Variants in SHROOM4 observed in about 807,000 individuals in gnomAD.
The protein encoded by SHROOM4 is shroom family member 4.
Under a neutral mutation model 80.3 loss-of-function variants are expected in SHROOM4, and 17 were observed. The ratio of observed to expected loss-of-function variants is 0.21; its 90% confidence interval spans 0.14 to 0.32. The LOEUF is 0.32. SHROOM4 is among the 10% of genes least tolerant of loss of function. SHROOM4 has a pLI of 1.00. For missense variants in SHROOM4, 993 were observed against 1,140.3 expected (o/e 0.87, Z 1.86); for synonymous variants, 400 against 437.5 (o/e 0.91, Z 1.07).
chrX:50,672,204 CCAT>C (rs1373142991), intron 2 of SHROOM4, among the ~76,000 whole-genome samples: 2 of 111,881 alleles, frequency 1.8e-5, no homozygotes, highest in African/African-American at 6.5e-5. Flanking sequence ...TGATTACAGA[CCAT>C]CATAACAAAT....
At chrX:50,761,229 C>T (rs1251364568) in intron 1 of SHROOM4, among the ~76,000 whole-genome samples, 7 of 110,766 alleles carry the variant, frequency 6.3e-5, no homozygotes, top group Non-Finnish European at 7.5e-5. Context: ...TCTGTTGTTC[C>T]CTTGTGTTCA....
In SHROOM4 at chrX:50,760,557, T is replaced by C. The variant is rs781928050; in HGVS notation, c.117+53345A>G. The stretch of plus-strand genomic sequence containing the variant: ...CTTACTATATTGCTCAGACCGGTCT[T>C]GAACTCCTGGCCTCAAGCAATCCTC... On this transcript the variant is annotated intron_variant, in intron 1 of 8. Coordinates refer to ENST00000376020, the MANE Select transcript of SHROOM4 (RefSeq NM_020717.5). Among the ~76,000 whole-genome samples the C allele has an allele frequency of 8.2e-5, 9 of 110,424 alleles. No homozygotes were observed. The South Asian group carries it at 3.5e-3, about 43-fold the overall frequency.
chrX:50,743,789 A>C (rs1934718718), intron 1 of SHROOM4, among the ~76,000 whole-genome samples: 1 of 112,004 alleles, frequency 8.9e-6, no homozygotes, highest in African/African-American at 3.3e-5. Context: ...TTTTCTCATA[A>C]GGCAGGTGCT....
chrX:50,788,607 C>CA (rs782285203), intron 1 of SHROOM4, among the ~76,000 whole-genome samples: 4,923 of 46,454 alleles, frequency 0.11, 373 homozygotes, highest in African/African-American at 0.26. Flanking sequence ...GACTCCGTCT[C>CA]AAAAAAAAAA....
intron 1 of SHROOM4, among the ~76,000 whole-genome samples, chrX:50,735,338 A>G (rs1392266861): frequency 8.9e-6 from 1 of 112,288 alleles, no homozygotes; most frequent in African/African-American, 3.2e-5. Context: ...ACTCAAAATT[A>G]TCAAAGACTT....
intron 1 of SHROOM4, among the ~76,000 whole-genome samples, chrX:50,728,828 T>C (rs1299778756): frequency 4.5e-5 from 5 of 111,537 alleles, no homozygotes; most frequent in African/African-American, 1.6e-4. Flanking sequence ...AATCATAACC[T>C]TTGGTGATTA....
intron 1 of SHROOM4, among the ~76,000 whole-genome samples, chrX:50,736,588 T>C (rs1047085241): frequency 1.8e-5 from 2 of 112,344 alleles, no homozygotes; most frequent in Non-Finnish European, 3.8e-5. Flanking sequence ...GGACATGATA[T>C]CATTTCTTTT....
At chrX:50,777,766 T>C (rs1557270261) in intron 1 of SHROOM4, among the ~76,000 whole-genome samples, 2 of 112,224 alleles carry the variant, frequency 1.8e-5, no homozygotes, top group Non-Finnish European at 3.8e-5. Context: ...GCTCTTACAA[T>C]TAGGTTCGCT....
chrX:50,799,290 C>T (rs1031168020), intron 1 of SHROOM4, among the ~76,000 whole-genome samples: 1 of 112,659 alleles, frequency 8.9e-6, no homozygotes, highest in Non-Finnish European at 1.9e-5. Context: ...AAGGCCCTTT[C>T]GAGGCCTGTT....
chrX:50,634,793 T>A lies in SHROOM4; in HGVS notation c.1280A>T (p.Asp427Val). 1 of 1,211,756 alleles carries A rather than the reference T, an allele frequency of 8.3e-7. No individual in the cohort carries two copies. Among genetic ancestry groups the A allele is most frequent in the Non-Finnish European group, 1.1e-6 (1 of 895,494 alleles). Residue 427 changes from aspartate to valine, a missense_variant, in exon 4 of 9, where the codon GAT becomes GTT. Asp to Val is a radical substitution (Grantham distance 152). Coordinates refer to ENST00000376020, the MANE Select transcript of SHROOM4 (RefSeq NM_020717.5). Reference sequence around the variant, plus strand: ...CTCCATCCCTTTGCTGCCCCTGGTATCAAGGTGCACATGCTGCAGGTGGGA... The same window carrying A: ...CTCCATCCCTTTGCTGCCCCTGGTAACAAGGTGCACATGCTGCAGGTGGGA... The part of the protein sequence containing the change: ...LASHLQHVHL[D>V]TRGSKGMELP...
In SHROOM4 at chrX:50,607,976, G is replaced by T; in HGVS notation, c.3166C>A (p.Arg1056Ser). The change falls in exon 6 of 9, where the codon CGT becomes AGT. Residue 1056 changes from arginine to serine, a missense_variant. Arg to Ser is a moderately radical substitution (Grantham distance 110, BLOSUM62 -1). Transcript: ENST00000376020. The stretch of plus-strand genomic sequence containing the variant: ...CTGATGTGACTCTCTGAGAAGGCAC[G>T]GCTGCGCAGTGGGTGGGGCATGGAG... ...LASMPHPLRS[R>S]AFSESHISLA... The T allele has an allele frequency of 8.3e-7, 1 of 1,212,097 alleles. No individual in the cohort carries two copies. Among genetic ancestry groups the T allele is most frequent in the Non-Finnish European group, 1.1e-6 (1 of 895,620 alleles).
At position 50,586,937 on chromosome X, in the gene SHROOM4, C is replaced by T. The variant is rs191398340; in HGVS notation, c.*9758G>A. On this transcript the variant is annotated 3_prime_UTR_variant, in exon 9 of 9. Coordinates refer to ENST00000376020, the MANE Select transcript of SHROOM4 (RefSeq NM_020717.5). Reference sequence around the variant, plus strand: ...ATTACCCTCTTTTGCAGTAAGAGCACCTGAAATCTACTCTTAGAAAATTTC... The same window carrying T: ...ATTACCCTCTTTTGCAGTAAGAGCATCTGAAATCTACTCTTAGAAAATTTC... 5.7e-4 allele frequency among the ~76,000 whole-genome samples: 64 copies of T among 111,759 alleles called. No homozygotes were observed. The highest frequency in any genetic ancestry group is 1.0e-3 in the Non-Finnish European group (53 of 53,067).
intron 2 of SHROOM4, among the ~76,000 whole-genome samples, chrX:50,688,685 T>C (rs1272174054): frequency 1.8e-5 from 2 of 110,897 alleles, no homozygotes; most frequent in Non-Finnish European, 3.8e-5. Flanking sequence ...TTTGGCTCTA[T>C]AGAGGAAAAA....
intron 2 of SHROOM4, among the ~76,000 whole-genome samples, chrX:50,659,137 T>C (rs781835102): frequency 9.0e-6 from 1 of 111,405 alleles, no homozygotes; most frequent in East Asian, 2.8e-4. Flanking sequence ...AATGGTGTCC[T>C]GAGGGTAGGA....
chrX:50,737,608 C>CAA (rs1557266792), intron 1 of SHROOM4, among the ~76,000 whole-genome samples: 2 of 111,240 alleles, frequency 1.8e-5, no homozygotes, highest in African/African-American at 6.5e-5. Context: ...TGAGAGTACA[C>CAA]CCTCCCAAGA....
At chrX:50,769,722 T>TA (rs1259783978) in intron 1 of SHROOM4, among the ~76,000 whole-genome samples, 1 of 111,595 alleles carries the variant, frequency 9.0e-6, no homozygotes, top group Non-Finnish European at 1.9e-5. Context: ...CCAACCAGTC[T>TA]ACCCTTCTGC....
At chrX:50,608,291 A>C in intron 5 of SHROOM4, 107 bp from the exon 6 acceptor site, 1 of 642,426 alleles carries the variant, frequency 1.6e-6, no homozygotes, top group Admixed American at 2.8e-5. Flanking sequence ...AAAACAATGT[A>C]GTATGTGTAG....
At chrX:50,649,459 G>C (rs1284451818) in intron 2 of SHROOM4, among the ~76,000 whole-genome samples, 1 of 111,694 alleles carries the variant, frequency 9.0e-6, no homozygotes, top group Non-Finnish European at 1.9e-5. Flanking sequence ...AGAAGAGCTG[G>C]TAATAGAGAC....
intron 2 of SHROOM4, among the ~76,000 whole-genome samples, chrX:50,656,763 T>C (rs1557259499): frequency 9.0e-6 from 1 of 110,984 alleles, no homozygotes; most frequent in Non-Finnish European, 1.9e-5. Context: ...AATTTTAGAA[T>C]TTTTTATTCC....
Sources: gnomAD v4.1 joint callset for allele counts (sites outside exome capture counted in the v4.1 genomes callset) on GRCh38, gnomAD v4.1.1 for gene constraint, MANE v1.5 for transcripts, NCBI Gene and HGNC (gene_info 2026-07-23, HGNC 2026-07-21) for gene names.